The following IGSF21 variants were observed in gnomAD, a reference collection of about 807,000 sequenced individuals.
IGSF21 encodes the protein immunoglobin superfamily member 21, also known as immunoglobulin superfamily member 21.
IGSF21 carries 28 observed loss-of-function variants against 46.8 expected under a neutral mutation model. The observed-to-expected ratio is 0.60, with a 90% CI of 0.44 to 0.82. The LOEUF (loss-of-function observed/expected upper bound fraction) is 0.82, where lower values mean the gene tolerates loss of function less well. Among genes scored for constraint, IGSF21 ranks in the 40% least tolerant of loss-of-function variants. The pLI is 0.00. For synonymous variants in IGSF21, 284 were observed against 273.6 expected (o/e 1.04, Z -0.38); for missense variants, 624 against 665.5 (o/e 0.94, Z 0.69).
At chr1:18,157,494 G>A (rs1023008961) in intron 1 of IGSF21, among the ~76,000 whole-genome samples, 2 of 152,122 alleles carry the variant, frequency 1.3e-5, no homozygotes, top group Non-Finnish European at 2.9e-5. Context: ...CTGCCTCCAC[G>A]CTGCAGCCCA....
intron 1 of IGSF21, among the ~76,000 whole-genome samples, chr1:18,162,057 G>A (rs1255258274): frequency 1.3e-5 from 2 of 150,640 alleles, no homozygotes; most frequent in East Asian, 3.9e-4. Context: ...TTCTTTTTTT[G>A]AGACAGGGTG....
intron 1 of IGSF21, chr1:18,115,469 G>A (rs538567721): frequency 3.3e-5 from 5 of 152,370 alleles, no homozygotes; most frequent in African/African-American, 1.2e-4. Context: ...TCCTGAAGAT[G>A]TGTTTGTTGA....
At chr1:18,292,823 C>T (rs936839032) in intron 3 of IGSF21, among the ~76,000 whole-genome samples, 17 of 152,206 alleles carry the variant, frequency 1.1e-4, no homozygotes, top group African/African-American at 4.1e-4. Context: ...GCTGCAACTG[C>T]CCCAGTACCC....
At position 18,356,463 on chromosome 1, in the gene IGSF21, C is replaced by T. The variant is rs148455658; in HGVS notation, c.425-5652C>T. Among the ~76,000 whole-genome samples, 472 of 152,320 alleles carry T rather than the reference C, an allele frequency of 3.1e-3. 8 individuals are homozygous for T. Among genetic ancestry groups the T allele is most frequent in the Non-Finnish European group, 1.9e-3 (128 of 68,038 alleles). Reference sequence around the variant, plus strand: ...GTCTTCGTTGATGATTCTTTGCCACCTGGATCTCCTGTGAATACAGTGGGA... The same window carrying T: ...GTCTTCGTTGATGATTCTTTGCCACTTGGATCTCCTGTGAATACAGTGGGA... On this transcript the variant is annotated intron_variant, in intron 4 of 9. Transcript: ENST00000251296.
At chr1:18,108,854 T>G (rs2086115716) in intron 1 of IGSF21, among the ~76,000 whole-genome samples, 1 of 146,482 alleles carries the variant, frequency 6.8e-6, no homozygotes, top group Non-Finnish European at 1.5e-5. Context: ...GTGGGATGGG[T>G]GGGGGTGCAG....
At chr1:18,222,651 G>A (rs1325066026) in intron 1 of IGSF21, among the ~76,000 whole-genome samples, 1 of 152,186 alleles carries the variant, frequency 6.6e-6, no homozygotes. Flanking sequence ...ATGCTAGAGT[G>A]AGAAACTCGA....
At chr1:18,357,562 TA>T (rs1340700842) in intron 4 of IGSF21, among the ~76,000 whole-genome samples, 1 of 151,842 alleles carries the variant, frequency 6.6e-6, no homozygotes, top group Non-Finnish European at 1.5e-5. Context: ...AAGGGAAGCC[TA>T]AGTGAAGGAA....
At chr1:18,147,174 AT>A (rs1445439812) in intron 1 of IGSF21, among the ~76,000 whole-genome samples, 6 of 152,186 alleles carry the variant, frequency 3.9e-5, no homozygotes, top group African/African-American at 1.4e-4. Flanking sequence ...CCAGAGAGAT[AT>A]TATTAAAATG....
chr1:18,198,248 A>C (rs757434981), intron 1 of IGSF21, among the ~76,000 whole-genome samples: 1 of 152,224 alleles, frequency 6.6e-6, no homozygotes, highest in Non-Finnish European at 1.5e-5. Flanking sequence ...ACTGGAGATC[A>C]GAACTTGGGG....
intron 1 of IGSF21, among the ~76,000 whole-genome samples, chr1:18,207,246 G>A (rs896780394): frequency 3.3e-5 from 5 of 152,160 alleles, no homozygotes; most frequent in Admixed American, 3.3e-4. Context: ...CATCCCTAGA[G>A]GGAGAAAACT....
chr1:18,155,441 T>C (rs1460261167), intron 1 of IGSF21, among the ~76,000 whole-genome samples: 1 of 152,162 alleles, frequency 6.6e-6, no homozygotes, highest in African/African-American at 2.4e-5. Context: ...AGCCCTTGTG[T>C]ACCATGAGCT....
At position 18,210,038 on chromosome 1, in the gene IGSF21, G is replaced by C. The variant is rs147852649; in HGVS notation, c.71-17860G>C. On this transcript the variant is annotated intron_variant, in intron 1 of 9. Transcript: ENST00000251296. The stretch of plus-strand genomic sequence containing the variant: ...TCTGCACCTGGGCCTTCAGCAGGAC[G>C]AAGTTAGATGGTGTGTGAATCAGGT... Among the ~76,000 whole-genome samples, 296 of 152,246 alleles carry C rather than the reference G, an allele frequency of 1.9e-3. 4 individuals carry two copies. The highest frequency in any genetic ancestry group is 6.9e-3 in the African/African-American group (287 of 41,548).
intron 1 of IGSF21, among the ~76,000 whole-genome samples, chr1:18,180,610 T>G (rs748402052): frequency 3.3e-5 from 5 of 152,224 alleles, no homozygotes; most frequent in Non-Finnish European, 5.9e-5. Flanking sequence ...ATGATTTCCC[T>G]TCCTACTCCA....
chr1:18,124,814 A>C (rs1038025757), intron 1 of IGSF21, among the ~76,000 whole-genome samples: 10 of 152,154 alleles, frequency 6.6e-5, no homozygotes, highest in African/African-American at 2.4e-4. Flanking sequence ...TTACTTAAAC[A>C]ATGTTATTTC....
intron 3 of IGSF21, among the ~76,000 whole-genome samples, chr1:18,332,595 C>A (rs563264745): frequency 6.6e-6 from 1 of 151,600 alleles, no homozygotes; most frequent in Non-Finnish European, 1.5e-5. Context: ...AGCTGAGTTA[C>A]AAACAAAGAA....
rs1156657656 is a variant in IGSF21, at chr1:18,109,706, C to A, written c.70+1508C>A. 6.6e-6 allele frequency: 1 copy of A among 152,038 alleles called. No individual in the cohort carries two copies. The highest frequency in any genetic ancestry group is 1.5e-5 in the Non-Finnish European group (1 of 68,028). The allele number at this position is 152,038 out of a possible 1,614,324, so 9.4% of individuals were successfully genotyped here. A position where few individuals can be genotyped will look rare whatever the true frequency, so the allele number is the denominator to read the frequency against. ...CCCTACCCTTGGAACAAGAGACTTTCCTAAGTGGATCAAAATGTCCCCCCT... is the reference window on the plus strand; with the variant it reads ...CCCTACCCTTGGAACAAGAGACTTTACTAAGTGGATCAAAATGTCCCCCCT... On this transcript the variant is annotated intron_variant, in intron 1 of 9. Coordinates refer to ENST00000251296, the MANE Select transcript of IGSF21 (RefSeq NM_032880.5). The surrounding 1 kb of genome is among the most constrained non-coding windows in gnomAD (Gnocchi z 4.8).
chr1:18,343,162 C>G (rs2085859771), intron 4 of IGSF21, among the ~76,000 whole-genome samples: 1 of 152,316 alleles, frequency 6.6e-6, no homozygotes, highest in South Asian at 2.1e-4. Context: ...AGTGATGTCT[C>G]TTTGTGGCTT....
intron 1 of IGSF21, among the ~76,000 whole-genome samples, chr1:18,121,444 A>C (rs1266295257): frequency 6.6e-6 from 1 of 151,768 alleles, no homozygotes; most frequent in Non-Finnish European, 1.5e-5. Flanking sequence ...CCCTTTTCTC[A>C]TCTACCTGAC....
intron 2 of IGSF21, among the ~76,000 whole-genome samples, chr1:18,250,110 C>A (rs369757842): frequency 3.4e-5 from 3 of 86,968 alleles, no homozygotes; most frequent in Non-Finnish European, 7.3e-5. Flanking sequence ...TCCCTCCCTC[C>A]CTCCCTCCCT....
Sources: gnomAD v4.1 joint callset for allele counts (sites outside exome capture counted in the v4.1 genomes callset) on GRCh38, gnomAD v4.1.1 for gene constraint, Gnocchi (gnomAD v3.1) non-coding constraint, MANE v1.5 for transcripts, NCBI Gene and HGNC (gene_info 2026-07-23, HGNC 2026-07-21) for gene names.